Variants in LSM12 observed in about 807,000 individuals in gnomAD.
LSM12 encodes the protein protein LSM12.
For missense variants in LSM12, 108 were observed against 238.9 expected (o/e 0.45, Z 3.61); for synonymous variants, 74 against 87.3 (o/e 0.85, Z 0.85).
chr17:44,036,113 T>C lies in LSM12; in HGVS notation c.*95A>G. The C allele has an allele frequency of 8.8e-7, 1 of 1,134,084 alleles. No homozygotes were observed. Among genetic ancestry groups the C allele is most frequent in the Admixed American group, 2.2e-5 (1 of 45,618 alleles). The allele number at this position is 1,134,084 out of a possible 1,614,324, so 70.3% of individuals were successfully genotyped here. On this transcript the variant is annotated 3_prime_UTR_variant, in exon 5 of 5. Coordinates refer to ENST00000293406, the MANE Select transcript of LSM12 (RefSeq NM_001371445.1). ...CCCTTTGTTAAGAGCCAACAGGACA[T>C]ATAGGATCCCTTCCCTCCCCCGGCC...
intron 2 of LSM12, among the ~76,000 whole-genome samples, chr17:44,046,473 C>T (rs1264782170): frequency 6.6e-6 from 1 of 150,792 alleles, no homozygotes; most frequent in Non-Finnish European, 1.5e-5. Context: ...TTTGGGAGGC[C>T]GAGGCGGATG....
At chr17:44,048,938 C>T (rs1225482450) in intron 2 of LSM12, among the ~76,000 whole-genome samples, 1 of 152,112 alleles carries the variant, frequency 6.6e-6, no homozygotes, top group East Asian at 1.9e-4. Context: ...TCCTATAATC[C>T]CAGCACTTTG....
intron 2 of LSM12, among the ~76,000 whole-genome samples, chr17:44,042,934 C>A (rs2049514487): frequency 6.6e-6 from 1 of 151,496 alleles, no homozygotes; most frequent in Admixed American, 6.6e-5. Flanking sequence ...AACTCCTGAG[C>A]TCAGGTGATC....
chr17:44,041,304 CA>C (rs1567955839), intron 2 of LSM12, among the ~76,000 whole-genome samples: 5 of 139,036 alleles, frequency 3.6e-5, no homozygotes, highest in African/African-American at 1.4e-4. Context: ...CACACACACA[CA>C]CACACACACA....
rs758214554 is a variant in LSM12, at chr17:44,066,607, CCGG to C, written c.-23_-21del. On this transcript the variant is annotated 5_prime_UTR_variant, in exon 1 of 5. Coordinates refer to ENST00000293406, the MANE Select transcript of LSM12 (RefSeq NM_001371445.1). ...CGCCATCTTGGGAGTGCAGCCGCGG[CCGG>C]CGGCGGCGGCGGCAGCAGCGGGCGA... 268 of 1,338,580 alleles carry C rather than the reference CCGG, an allele frequency of 2.0e-4. No individual in the cohort carries two copies. Among genetic ancestry groups the C allele is most frequent in the South Asian group, 1.5e-3 (72 of 49,618 alleles). 82.9% of individuals were successfully genotyped at this position (1,338,580 alleles called of 1,614,324 possible).
chr17:44,039,396 A>T (rs2049459556), intron 3 of LSM12, among the ~76,000 whole-genome samples: 1 of 74,274 alleles, frequency 1.3e-5, no homozygotes, highest in Non-Finnish European at 2.4e-5. Flanking sequence ...TTTTTTTGAG[A>T]CGGAGTCTCG....
chr17:44,056,655 T>C (rs1482339621), intron 2 of LSM12, among the ~76,000 whole-genome samples: 1 of 148,876 alleles, frequency 6.7e-6, no homozygotes, highest in Non-Finnish European at 1.5e-5. Flanking sequence ...ATTGCACCAC[T>C]GCACTCCAGC....
chr17:44,042,603 C>CGCCCAGGCTGACAGA (rs375054750), intron 2 of LSM12, among the ~76,000 whole-genome samples: 133,020 of 143,800 alleles, frequency 0.93, 61,634 homozygotes, highest in East Asian at 1. Flanking sequence ...CTCGCTCTGT[C>CGCCCAGGCTGACAGA]GCCCAGGCTG....
chr17:44,063,448 G>T, intron 2 of LSM12, among the ~76,000 whole-genome samples: 1 of 151,084 alleles, frequency 6.6e-6, no homozygotes, highest in African/African-American at 2.4e-5. Flanking sequence ...ATATATTCAC[G>T]TATGCACACA....
chr17:44,043,480 T>A (rs893207050), intron 2 of LSM12, among the ~76,000 whole-genome samples: 2 of 151,974 alleles, frequency 1.3e-5, no homozygotes, highest in Non-Finnish European at 2.9e-5. Context: ...GCTGATGATG[T>A]ATTTTAAGCA....
chr17:44,040,455 T>C (rs1238793738), intron 2 of LSM12, 199 bp from the exon 3 acceptor site: 2 of 501,980 alleles, frequency 4.0e-6, no homozygotes, highest in Non-Finnish European at 7.3e-6. Context: ...AAACGTTCCT[T>C]CCTTCCTTCT....
intron 2 of LSM12, among the ~76,000 whole-genome samples, chr17:44,051,671 A>T (rs1381806439): frequency 1.3e-5 from 2 of 152,112 alleles, no homozygotes; most frequent in Non-Finnish European, 2.9e-5. Context: ...ATAAATAACA[A>T]TGAATCAAAA....
chr17:44,039,904 A>G (rs1233118295), intron 3 of LSM12, among the ~76,000 whole-genome samples: 2 of 152,360 alleles, frequency 1.3e-5, no homozygotes, highest in East Asian at 3.9e-4. Flanking sequence ...AATCTAATCC[A>G]AAACTAAGTT....
intron 2 of LSM12, among the ~76,000 whole-genome samples, chr17:44,041,582 C>T (rs896053533): frequency 3.3e-5 from 5 of 152,134 alleles, no homozygotes; most frequent in African/African-American, 7.2e-5. Flanking sequence ...TTGAGAAAAA[C>T]GAAGAGTCTG....
chr17:44,050,652 C>G (rs1223362335), intron 2 of LSM12, among the ~76,000 whole-genome samples: 1 of 151,942 alleles, frequency 6.6e-6, no homozygotes, highest in Non-Finnish European at 1.5e-5. Context: ...TCCAGAGTAG[C>G]TGGTATTACA....
intron 1 of LSM12, among the ~76,000 whole-genome samples, chr17:44,065,439 TAAAA>T (rs35086714): frequency 2.7e-3 from 302 of 113,556 alleles, no homozygotes; most frequent in Non-Finnish European, 3.7e-3. Flanking sequence ...GACTCCATCT[TAAAA>T]AAAAAAAAAA....
chr17:44,037,879 G>A (rs372176482), intron 3 of LSM12, among the ~76,000 whole-genome samples: 12 of 152,132 alleles, frequency 7.9e-5, no homozygotes, highest in Admixed American at 2.0e-4. Context: ...TTCTCTTAAG[G>A]GTCTTGTAAC....
intron 2 of LSM12, among the ~76,000 whole-genome samples, chr17:44,044,125 G>A (rs2144079156): frequency 6.6e-6 from 1 of 152,196 alleles, no homozygotes; most frequent in Admixed American, 6.6e-5. Flanking sequence ...AGAGACAAGA[G>A]TTGGCTCAGG....
chr17:44,060,415 GCTCT>G (rs1019469357), intron 2 of LSM12, among the ~76,000 whole-genome samples: 3 of 152,066 alleles, frequency 2.0e-5, no homozygotes, highest in South Asian at 2.1e-4. Flanking sequence ...AGCCCAAAAG[GCTCT>G]CTCTAATTCT....
Sources: gnomAD v4.1 joint callset for allele counts (sites outside exome capture counted in the v4.1 genomes callset) on GRCh38, gnomAD v4.1.1 for gene constraint, MANE v1.5 for transcripts, NCBI Gene and HGNC (gene_info 2026-07-23, HGNC 2026-07-21) for gene names.